SLC24A3: variants seen among roughly 807,000 people sequenced by gnomAD.
The protein encoded by SLC24A3 is sodium/potassium/calcium exchanger 3.
SLC24A3 carries 28 observed loss-of-function variants against 75.8 expected under a neutral mutation model. That is an observed-to-expected ratio of 0.37 (90% CI 0.27 to 0.51). SLC24A3 has a LOEUF of 0.51. SLC24A3 is among the 20% of genes least tolerant of loss of function. The pLI is 0.94. For missense variants in SLC24A3, 663 were observed against 847.8 expected (o/e 0.78, Z 2.71); for synonymous variants, 372 against 334.1 (o/e 1.11, Z -1.24).
chr20:19,227,410 A>G (rs1981898723), intron 1 of SLC24A3, among the ~76,000 whole-genome samples: 1 of 147,644 alleles, frequency 6.8e-6, no homozygotes, highest in Non-Finnish European at 1.5e-5. Flanking sequence ...TTTTTTTGGC[A>G]TAGAGGATTC....
chr20:19,283,830 G>A (rs1046783528), intron 2 of SLC24A3, among the ~76,000 whole-genome samples: 6 of 152,332 alleles, frequency 3.9e-5, no homozygotes, highest in Middle Eastern at 3.4e-3. Context: ...TAGTAGGAGT[G>A]TATTCGTGAA....
At chr20:19,411,663 G>A (rs1055089142) in intron 2 of SLC24A3, among the ~76,000 whole-genome samples, 3 of 152,220 alleles carry the variant, frequency 2.0e-5, no homozygotes, top group Non-Finnish European at 4.4e-5. Context: ...ATCACTTGGA[G>A]GAGGGTCTCA....
chr20:19,440,770 T>C (rs2122467420), intron 2 of SLC24A3, among the ~76,000 whole-genome samples: 1 of 151,446 alleles, frequency 6.6e-6, no homozygotes, highest in Non-Finnish European at 1.5e-5. Context: ...AGAAGAACGA[T>C]GAGAGTGTCC....
rs777416707 is a variant in SLC24A3 at position 19,681,858 on chromosome 20, A to C, written c.768A>C (p.Lys256Asn). 3.1e-6 allele frequency: 5 copies of C among 1,613,988 alleles called. No individual in the cohort carries two copies. The African/African-American group carries it at 6.7e-5, about 22-fold the overall frequency. The change falls in exon 10 of 17, where the codon AAA becomes AAC. Residue 256 changes from lysine (K) to asparagine (N), a missense_variant and splice_region_variant. Transcript: ENST00000328041. ...TCTGCCCACTTGTCGCTTTGCTCAGATATAACGCTTGCATACATCAGTGCT... is the reference window on the plus strand; with the variant it reads ...TCTGCCCACTTGTCGCTTTGCTCAGCTATAACGCTTGCATACATCAGTGCT... ...LMYLIYIVIM[K>N]YNACIHQCFE... is the part of the protein sequence containing the mutation.
At chr20:19,595,864 A>G (rs548141808) in intron 6 of SLC24A3, among the ~76,000 whole-genome samples, 1 of 152,318 alleles carries the variant, frequency 6.6e-6, no homozygotes, top group African/African-American at 2.4e-5. Context: ...TGTCTCAAAG[A>G]AACCCCAAAT....
Position 19,684,063 on chromosome 20 carries a change from G to T in SLC24A3, c.902-113G>T, listed in dbSNP as rs1316753822. Reference sequence around the variant, plus strand: ...TGAGTGGATAGATGGATGGGTGAATGGATGGGAGGAAAGAAGGGAGGAAGA... The same window carrying T: ...TGAGTGGATAGATGGATGGGTGAATTGATGGGAGGAAAGAAGGGAGGAAGA... On this transcript the variant is annotated intron_variant, in intron 10 of 16. Coordinates refer to ENST00000328041, the MANE Select transcript of SLC24A3 (RefSeq NM_020689.4). 5 of 1,214,748 alleles carry T rather than the reference G, an allele frequency of 4.1e-6. No individual in the cohort carries two copies. The African/African-American group carries it at 4.5e-5, about 11-fold the overall frequency. The allele number at this position is 1,214,748 out of a possible 1,614,324, so 75.2% of individuals were successfully genotyped here.
At chr20:19,448,997 G>A (rs1987435557) in intron 2 of SLC24A3, among the ~76,000 whole-genome samples, 2 of 152,200 alleles carry the variant, frequency 1.3e-5, no homozygotes. Flanking sequence ...ACCCTGGGAT[G>A]GACACATGTA....
chr20:19,558,463 T>A (rs1035069227), intron 3 of SLC24A3, among the ~76,000 whole-genome samples: 1 of 152,094 alleles, frequency 6.6e-6, no homozygotes, highest in Non-Finnish European at 1.5e-5. Context: ...CTACAGACAT[T>A]TTTAAACTTC....
At chr20:19,484,785 T>C (rs1407386400) in intron 2 of SLC24A3, among the ~76,000 whole-genome samples, 1 of 152,220 alleles carries the variant, frequency 6.6e-6, no homozygotes, top group African/African-American at 2.4e-5. Flanking sequence ...GAATATACTT[T>C]AGACTACTGA....
intron 1 of SLC24A3, among the ~76,000 whole-genome samples, chr20:19,235,751 G>A (rs895444991): frequency 2.6e-5 from 4 of 152,190 alleles, no homozygotes; most frequent in Non-Finnish European, 5.9e-5. Context: ...GCTGGCAGGT[G>A]CATCCCCTGC....
At chr20:19,612,472 C>A (rs769760401) in intron 6 of SLC24A3, among the ~76,000 whole-genome samples, 16 of 152,236 alleles carry the variant, frequency 1.1e-4, no homozygotes, top group African/African-American at 3.9e-4. Context: ...CTGCTGTGTA[C>A]CCTGATGTGA....
At chr20:19,359,203 TC>T (rs1272231780) in intron 2 of SLC24A3, among the ~76,000 whole-genome samples, 5 of 152,290 alleles carry the variant, frequency 3.3e-5, no homozygotes, top group African/African-American at 1.2e-4. Flanking sequence ...CAAACTGTTT[TC>T]CATGACAGCT....
At chr20:19,547,436 T>C (rs182565784) in intron 3 of SLC24A3, among the ~76,000 whole-genome samples, 2 of 152,328 alleles carry the variant, frequency 1.3e-5, no homozygotes, top group East Asian at 3.9e-4. Context: ...GTGATGGAAG[T>C]GTTCTAAAAC....
intron 6 of SLC24A3, among the ~76,000 whole-genome samples, chr20:19,641,521 T>G (rs373895284): frequency 6.6e-6 from 1 of 152,336 alleles, no homozygotes; most frequent in East Asian, 1.9e-4. Flanking sequence ...CAAAATGCGC[T>G]GTGACTTCTC....
intron 12 of SLC24A3, among the ~76,000 whole-genome samples, chr20:19,690,838 C>A (rs1009425870): frequency 1.3e-5 from 2 of 152,200 alleles, no homozygotes; most frequent in Non-Finnish European, 2.9e-5. Flanking sequence ...AGACTCATAG[C>A]AGCTAATAGG....
chr20:19,417,685 C>T (rs192620215), intron 2 of SLC24A3, among the ~76,000 whole-genome samples: 108 of 152,306 alleles, frequency 7.1e-4, no homozygotes, highest in Admixed American at 1.2e-3. Flanking sequence ...ATGCTCTCTT[C>T]CCATACCACA....
intron 2 of SLC24A3, among the ~76,000 whole-genome samples, chr20:19,376,871 C>T (rs764193264): frequency 1.3e-5 from 2 of 152,144 alleles, no homozygotes; most frequent in African/African-American, 2.4e-5. Flanking sequence ...CCGTCACCAG[C>T]GAGCAGTGGA....
chr20:19,690,738 A>G (rs1000608378), intron 12 of SLC24A3, among the ~76,000 whole-genome samples: 7 of 151,706 alleles, frequency 4.6e-5, no homozygotes, highest in African/African-American at 1.7e-4. Context: ...TCTCCAAACA[A>G]CTCTCAGCCA....
chr20:19,551,462 GT>G (rs1260678337), intron 3 of SLC24A3, among the ~76,000 whole-genome samples: 4 of 152,160 alleles, frequency 2.6e-5, no homozygotes, highest in Non-Finnish European at 5.9e-5. Context: ...TAAAACAGAA[GT>G]GGTATTTTAA....
Sources: gnomAD v4.1 joint callset for allele counts (sites outside exome capture counted in the v4.1 genomes callset) on GRCh38, gnomAD v4.1.1 for gene constraint, MANE v1.5 for transcripts, NCBI Gene and HGNC (gene_info 2026-07-23, HGNC 2026-07-21) for gene names.